The following MACF1 variants were observed in gnomAD, a reference collection of about 807,000 sequenced individuals.
MACF1 encodes microtubule-actin cross-linking factor 1.
Under a neutral mutation model 854.8 loss-of-function variants are expected in MACF1, and 193 were observed. The observed-to-expected ratio is 0.23, with a 90% CI of 0.20 to 0.25. The LOEUF is 0.25. Ranked by LOEUF, MACF1 falls within the 10% of genes least tolerant of loss-of-function variation. The pLI is 1.00. For missense variants in MACF1, 7,722 were observed against 8,929.1 expected (o/e 0.86, Z 5.45); for synonymous variants, 3,185 against 3,226.7 (o/e 0.99, Z 0.44).
intron 2 of MACF1, among the ~76,000 whole-genome samples, chr1:39,165,821 G>T (rs1643876202): frequency 6.6e-6 from 1 of 152,158 alleles, no homozygotes; most frequent in African/African-American, 2.4e-5. Context: ...GGAATGGCAG[G>T]AACCTTTTGG....
chr1:39,212,620 G>A (rs538411958), intron 1 of MACF1, among the ~76,000 whole-genome samples: 1 of 152,126 alleles, frequency 6.6e-6, no homozygotes, highest in South Asian at 2.1e-4. Flanking sequence ...AACCAGTTAA[G>A]TATTTTTTAT....
At chr1:39,245,232 T>G (rs1644969651) in intron 2 of MACF1, among the ~76,000 whole-genome samples, 1 of 152,210 alleles carries the variant, frequency 6.6e-6, no homozygotes, top group African/African-American at 2.4e-5. Flanking sequence ...CTCTGTAGTG[T>G]TTAATATCTG....
chr1:39,289,138 C>A (rs1395403542), intron 15 of MACF1, among the ~76,000 whole-genome samples: 1 of 152,194 alleles, frequency 6.6e-6, no homozygotes, highest in Non-Finnish European at 1.5e-5. Flanking sequence ...CTCCATTCAT[C>A]TGTGATGGAC....
rs752746580 is a variant in MACF1, at chr1:39,350,928, G to C, written c.11109G>C (p.Glu3703Asp). Reference protein sequence around the residue: ...ALREKLHQAKEQYEALQEETR... With the variant: ...ALREKLHQAKDQYEALQEETR... ...GGGAAAAGCTTCATCAGGCTAAGGA[G>C]CAATATGAGGCGCTCCAGGAAGAGA... The change falls in exon 43 of 101, where the codon GAG becomes GAC. Residue 3703 changes from glutamate to aspartate, a missense_variant. By Grantham distance (45) the Glu-to-Asp change is conservative. Transcript: ENST00000564288. 2 of 1,614,158 alleles carry C rather than the reference G, an allele frequency of 1.2e-6. No individual in the cohort carries two copies. Among genetic ancestry groups the C allele is most frequent in the Non-Finnish European group, 8.5e-7 (1 of 1,180,012 alleles).
chr1:39,193,493 T>TAGG (rs1334849663), intron 2 of MACF1, among the ~76,000 whole-genome samples: 1 of 152,162 alleles, frequency 6.6e-6, no homozygotes, highest in Non-Finnish European at 1.5e-5. Flanking sequence ...GATGCCCTGC[T>TAGG]AGGAGGTCTC....
intron 1 of MACF1, among the ~76,000 whole-genome samples, chr1:39,205,846 C>T (rs751349597): frequency 6.6e-6 from 1 of 151,902 alleles, no homozygotes; most frequent in African/African-American, 2.4e-5. Context: ...TCCCATATTG[C>T]TATTAGTTAT....
chr1:39,259,184 C>T (rs931999864), intron 6 of MACF1, among the ~76,000 whole-genome samples: 5 of 152,160 alleles, frequency 3.3e-5, no homozygotes, highest in Non-Finnish European at 7.3e-5. Context: ...ACAAACCTGC[C>T]CTCACTGTGA....
At chr1:39,269,083 T>C (rs1645272011) in intron 6 of MACF1, 1 of 1,289,594 alleles carries the variant, frequency 7.8e-7, no homozygotes, top group African/African-American at 1.5e-5. Flanking sequence ...GAGTCATCAG[T>C]TGCTGGAGGG....
At position 39,451,145 on chromosome 1, in the gene MACF1, G is replaced by A. The variant is rs1343748400; in HGVS notation, c.20352G>A (p.Gln6784=). The A allele has an allele frequency of 1.2e-6, 2 of 1,614,180 alleles. No individual in the cohort carries two copies. Among genetic ancestry groups the A allele is most frequent in the Non-Finnish European group, 1.7e-6 (2 of 1,180,018 alleles). The change falls in exon 85 of 101, where the codon CAG becomes CAA. Residue 6784 remains glutamine (Q), a synonymous_variant. Transcript: ENST00000564288. ...LVDWLYKVEP[Q]LAEDQPVHGD... is the part of the protein sequence containing the mutation. ...ACTGGTTATACAAGGTGGAGCCACAGCTGGCTGAGGACCAGCCCGTGCACG... is the reference window on the plus strand; with the variant it reads ...ACTGGTTATACAAGGTGGAGCCACAACTGGCTGAGGACCAGCCCGTGCACG...
chr1:39,088,121 T>G (rs1040058874), intron 2 of MACF1, among the ~76,000 whole-genome samples: 1 of 152,168 alleles, frequency 6.6e-6, no homozygotes, highest in Non-Finnish European at 1.5e-5. Context: ...TACAGGCGCC[T>G]GCCACCTTGC....
intron 2 of MACF1, among the ~76,000 whole-genome samples, chr1:39,102,521 G>A (rs1223355778): frequency 6.6e-6 from 1 of 152,126 alleles, no homozygotes; most frequent in Non-Finnish European, 1.5e-5. Context: ...GAGTGATGAA[G>A]GGTTATAATC....
intron 2 of MACF1, among the ~76,000 whole-genome samples, chr1:39,182,836 A>G (rs1644122224): frequency 1.3e-5 from 2 of 152,238 alleles, no homozygotes; most frequent in African/African-American, 2.4e-5. Context: ...ATTCCAAAGT[A>G]TATATCCAAA....
intron 66 of MACF1, 122 bp downstream of exon 66, chr1:39,431,030 A>G: frequency 2.2e-6 from 2 of 909,154 alleles, no homozygotes; most frequent in Non-Finnish European, 3.5e-6. Flanking sequence ...ATCTGGTGGA[A>G]TAAATATGTT....
chr1:39,303,278 G>C (rs1017472926), intron 23 of MACF1, among the ~76,000 whole-genome samples, 200 bp downstream of exon 23: 1 of 152,220 alleles, frequency 6.6e-6, no homozygotes, highest in African/African-American at 2.4e-5. Flanking sequence ...TTCAGCTGGA[G>C]TATCTTCAGT....
intron 1 of MACF1, chr1:39,215,509 G>A: frequency 6.6e-6 from 1 of 151,644 alleles, no homozygotes; most frequent in East Asian, 2.0e-4. Context: ...TTGACTCATA[G>A]GAATGCATGG....
chr1:39,403,485 A>T (rs891954725), intron 58 of MACF1, among the ~76,000 whole-genome samples: 3 of 152,172 alleles, frequency 2.0e-5, no homozygotes, highest in Non-Finnish European at 2.9e-5. Flanking sequence ...TTAGTATTTC[A>T]CATACAGAAT....
intron 36 of MACF1, 138 bp from the exon 37 acceptor site, chr1:39,331,065 C>T (rs1004579651): frequency 9.6e-6 from 12 of 1,256,086 alleles, no homozygotes; most frequent in East Asian, 2.7e-5. Flanking sequence ...AGATTATAGG[C>T]GTGAGCCACT....
intron 93 of MACF1, among the ~76,000 whole-genome samples, chr1:39,462,386 A>T (rs1644571425): frequency 6.6e-6 from 1 of 152,024 alleles, no homozygotes. Flanking sequence ...GAATCTAGGG[A>T]AATGGTCTAC....
At chr1:39,296,536 C>T (rs1223198230) in intron 20 of MACF1, among the ~76,000 whole-genome samples, 2 of 151,786 alleles carry the variant, frequency 1.3e-5, no homozygotes, top group Non-Finnish European at 2.9e-5. Context: ...TCAAGACCAG[C>T]CTGGCCAACA....
Sources: gnomAD v4.1 joint callset for allele counts (sites outside exome capture counted in the v4.1 genomes callset) on GRCh38, gnomAD v4.1.1 for gene constraint, MANE v1.5 for transcripts, NCBI Gene and HGNC (gene_info 2026-07-23, HGNC 2026-07-21) for gene names.